The following CCDC6 variants were observed in gnomAD, a reference collection of about 807,000 sequenced individuals.
CCDC6 encodes the protein coiled-coil domain containing 6, also known as coiled-coil domain-containing protein 6.
A neutral mutation model predicts 56.6 loss-of-function variants in CCDC6; 20 were observed. The ratio of observed to expected loss-of-function variants is 0.35; its 90% confidence interval spans 0.25 to 0.51. The LOEUF (loss-of-function observed/expected upper bound fraction) is 0.51, where lower values mean the gene tolerates loss of function less well. Ranked by LOEUF, CCDC6 falls within the 20% of genes least tolerant of loss-of-function variation. CCDC6 has a pLI of 0.95. For synonymous variants in CCDC6, 241 were observed against 234.4 expected (o/e 1.03, Z -0.26); for missense variants, 367 against 601.1 (o/e 0.61, Z 4.07).
At chr10:59,823,733 C>A (rs1266697361) in intron 3 of CCDC6, among the ~76,000 whole-genome samples, 1 of 152,144 alleles carries the variant, frequency 6.6e-6, no homozygotes, top group Non-Finnish European at 1.5e-5. Flanking sequence ...ATTCATCCCA[C>A]TTCCTTACAT....
chr10:59,839,964 T>C (rs1454983773), intron 2 of CCDC6, among the ~76,000 whole-genome samples: 1 of 152,202 alleles, frequency 6.6e-6, no homozygotes, highest in African/African-American at 2.4e-5. Flanking sequence ...TAGCTGGAAT[T>C]ACAGGCATGT....
intron 1 of CCDC6, among the ~76,000 whole-genome samples, chr10:59,891,617 T>TA (rs1473372426): frequency 6.6e-6 from 1 of 152,094 alleles, no homozygotes; most frequent in Non-Finnish European, 1.5e-5. Context: ...TAATCTTCCT[T>TA]ACCTGAAAAA....
At chr10:59,843,524 T>C (rs1456490794) in intron 2 of CCDC6, among the ~76,000 whole-genome samples, 1 of 152,220 alleles carries the variant, frequency 6.6e-6, no homozygotes, top group Admixed American at 6.5e-5. Flanking sequence ...ATGGTTGCTT[T>C]ATAGTATACG....
chr10:59,827,044 T>C (rs2070793771), intron 3 of CCDC6, among the ~76,000 whole-genome samples: 1 of 152,110 alleles, frequency 6.6e-6, no homozygotes, highest in African/African-American at 2.4e-5. Context: ...CTGAATATTA[T>C]AGAAATACCT....
intron 2 of CCDC6, among the ~76,000 whole-genome samples, chr10:59,840,256 A>C (rs1383698440): frequency 1.3e-5 from 2 of 152,224 alleles, no homozygotes; most frequent in African/African-American, 4.8e-5. Context: ...TTCCAACTTA[A>C]TTAGGTACTA....
At chr10:59,800,612 G>GC (rs55862812) in intron 7 of CCDC6, among the ~76,000 whole-genome samples, 4 of 145,190 alleles carry the variant, frequency 2.8e-5, no homozygotes, top group African/African-American at 1.0e-4. Flanking sequence ...TTGTATTAAA[G>GC]TTTTTTTTTT....
At chr10:59,839,133 C>T (rs886684119) in intron 2 of CCDC6, among the ~76,000 whole-genome samples, 1 of 152,210 alleles carries the variant, frequency 6.6e-6, no homozygotes, top group Admixed American at 6.5e-5. Context: ...CTGCATTTTG[C>T]AAAGAGTGAA....
chr10:59,881,444 G>T (rs571961477), intron 1 of CCDC6, among the ~76,000 whole-genome samples: 1 of 152,170 alleles, frequency 6.6e-6, no homozygotes, highest in Non-Finnish European at 1.5e-5. Flanking sequence ...GGGGCATAAC[G>T]AGGTGAGACA....
intron 1 of CCDC6, among the ~76,000 whole-genome samples, chr10:59,901,351 G>A (rs1477720173): frequency 6.6e-6 from 1 of 152,160 alleles, no homozygotes; most frequent in African/African-American, 2.4e-5. Context: ...TAGCTTCAGA[G>A]TCTGACAAAA....
intron 1 of CCDC6, among the ~76,000 whole-genome samples, chr10:59,886,893 T>TCCAC (rs1294979856): frequency 6.6e-6 from 1 of 152,160 alleles, no homozygotes; most frequent in East Asian, 1.9e-4. Context: ...ATGATGCTTA[T>TCCAC]CCACCCCCTT....
intron 3 of CCDC6, among the ~76,000 whole-genome samples, chr10:59,818,643 GGAGT>G (rs1263257538): frequency 1.3e-5 from 2 of 152,070 alleles, no homozygotes; most frequent in African/African-American, 2.4e-5. Context: ...TAGTCCCTCT[GGAGT>G]GAGTAAGAGT....
chr10:59,850,486 G>A (rs2071029164), intron 2 of CCDC6, among the ~76,000 whole-genome samples: 1 of 152,152 alleles, frequency 6.6e-6, no homozygotes, highest in Non-Finnish European at 1.5e-5. Flanking sequence ...CCCATCTAGA[G>A]AACCCCAATG....
rs151236986 is a variant in CCDC6, at chr10:59,845,346, GTTTTT to G, written c.453+7202_453+7206del. On this transcript the variant is annotated intron_variant, in intron 2 of 8. Transcript: ENST00000263102. The stretch of plus-strand genomic sequence containing the variant: ...TGAGCCCTTACTTTTGCCCCTATGG[GTTTTT>G]TTTTTTTTTTTTTTTTTTGGGATGT... 7.1e-3 allele frequency among the ~76,000 whole-genome samples: 687 copies of G among 97,004 alleles called. 2 individuals are homozygous for G. Among genetic ancestry groups the G allele is most frequent in the African/African-American group, 0.017 (395 of 23,770 alleles). 63.6% of individuals were successfully genotyped at this position (97,004 alleles called of 152,430 possible).
rs902505666 is a variant in CCDC6 at position 59,810,744 on chromosome 10, G to T, written c.847+1891C>A. ...ATGGAGTAAGCCCAGAAACCTGTAT[G>T]GTGCTAGAATAGTGATTCCCTAAAG... is the stretch of plus-strand genomic sequence containing the variant. On this transcript the variant is annotated intron_variant, in intron 5 of 8. Coordinates refer to ENST00000263102, the MANE Select transcript of CCDC6 (RefSeq NM_005436.5). Among the ~76,000 whole-genome samples the T allele has an allele frequency of 3.3e-5, 5 of 152,060 alleles. No individual in the cohort carries two copies. The South Asian group carries it at 1.0e-3, about 32-fold the overall frequency.
At chr10:59,874,383 C>T (rs2071260248) in intron 1 of CCDC6, among the ~76,000 whole-genome samples, 1 of 152,096 alleles carries the variant, frequency 6.6e-6, no homozygotes, top group Admixed American at 6.5e-5. Flanking sequence ...ACATTGAAAT[C>T]CTCCGTTTAC....
At chr10:59,885,115 G>T (rs763627211) in intron 1 of CCDC6, among the ~76,000 whole-genome samples, 2 of 151,796 alleles carry the variant, frequency 1.3e-5, no homozygotes, top group Non-Finnish European at 2.9e-5. Flanking sequence ...AGGAAGAAAA[G>T]AAAAGGAGAA....
intron 2 of CCDC6, among the ~76,000 whole-genome samples, chr10:59,839,780 T>C (rs1262721067): frequency 2.6e-5 from 4 of 152,220 alleles, no homozygotes; most frequent in Non-Finnish European, 5.9e-5. Flanking sequence ...CAGCTATTTA[T>C]ACCACAGTCT....
intron 3 of CCDC6, among the ~76,000 whole-genome samples, chr10:59,829,968 C>T (rs1041064657): frequency 4.6e-5 from 7 of 152,248 alleles, no homozygotes; most frequent in East Asian, 3.9e-4. Context: ...GTAGAGGGAA[C>T]GGGTTCACAA....
At position 59,789,471 on chromosome 10, in the gene CCDC6, G is replaced by GA. The variant is rs2070449462; in HGVS notation, c.*3445dup. The GA allele has an allele frequency of 4.3e-6, 1 of 231,860 alleles. No individual in the cohort carries two copies. The highest frequency in any genetic ancestry group is 8.5e-6 in the Non-Finnish European group (1 of 117,248). 14.4% of individuals were successfully genotyped at this position (231,860 alleles called of 1,614,324 possible). ...AGAAAAAAAAACCCTAAAAAACAAA[G>GA]AAAAAAACAAACAAAAAATCACCAA... On this transcript the variant is annotated 3_prime_UTR_variant, in exon 9 of 9. Coordinates refer to ENST00000263102, the MANE Select transcript of CCDC6 (RefSeq NM_005436.5).
Sources: gnomAD v4.1 joint callset for allele counts (sites outside exome capture counted in the v4.1 genomes callset) on GRCh38, gnomAD v4.1.1 for gene constraint, MANE v1.5 for transcripts, NCBI Gene and HGNC (gene_info 2026-07-23, HGNC 2026-07-21) for gene names.